The following ITGB3 variants were observed in gnomAD, a reference collection of about 807,000 sequenced individuals.
ITGB3 encodes integrin subunit beta 3.
ITGB3 carries 48 observed loss-of-function variants against 85.8 expected under a neutral mutation model. The ratio of observed to expected loss-of-function variants is 0.56; its 90% CI spans 0.44 to 0.71. The LOEUF (loss-of-function observed/expected upper bound fraction) is 0.71. ITGB3 is among the 30% of genes least tolerant of loss of function. ITGB3 has a pLI of 0.00. For synonymous variants in ITGB3, 363 were observed against 395.6 expected, an observed-to-expected ratio of 0.92 and a Z score of 0.98; for missense variants, 861 against 1,019.1, an observed-to-expected ratio of 0.84 and a Z score of 2.11.
intron 1 of ITGB3, among the ~76,000 whole-genome samples, chr17:47,260,893 A>T (rs965921528): frequency 7.9e-5 from 12 of 152,154 alleles, no homozygotes; most frequent in Admixed American, 6.5e-4. Context: ...GTCTTGAAAT[A>T]TGTGCGCATT....
chr17:47,291,454 C>G lies in ITGB3; in HGVS notation c.1260+366C>G, dbSNP rs540397850. On this transcript the variant is annotated intron_variant, in intron 9 of 14. Transcript: ENST00000559488. ...TAATTAATACCTTTCTTTTGTAAAA[C>G]GACACAAGAAAGTAAAATCTAAAAT... The G allele has an allele frequency of 7.7e-4, 354 of 460,398 alleles. 4 individuals carry two copies. In the South Asian group the frequency reaches 0.013, roughly 17 times the overall value. The allele number at this position is 460,398 out of a possible 1,614,324, so 28.5% of individuals were successfully genotyped here.
At chr17:47,305,929 C>T (rs11870781) in intron 13 of ITGB3, among the ~76,000 whole-genome samples, 13,101 of 152,276 alleles carry the variant, frequency 0.086, 610 homozygotes, top group East Asian at 0.19. Flanking sequence ...TTAATTTAAT[C>T]ATTCCTCATA....
At chr17:47,288,436 T>G (rs1427062872) in intron 6 of ITGB3, among the ~76,000 whole-genome samples, 1 of 152,096 alleles carries the variant, frequency 6.6e-6, no homozygotes, top group Non-Finnish European at 1.5e-5. Context: ...TCAGGAGAAA[T>G]TACTATAAGC....
chr17:47,261,728 C>T (rs1294047147), intron 1 of ITGB3, among the ~76,000 whole-genome samples: 2 of 152,170 alleles, frequency 1.3e-5, no homozygotes, highest in Non-Finnish European at 2.9e-5. Context: ...CCATGTTGGC[C>T]AGGCTGGTTT....
At position 47,310,124 on chromosome 17, in the gene ITGB3, C is replaced by T; in HGVS notation, c.2302-15C>T. ...AAGGAAGTCACTGTAAGATGCTATT[C>T]TGTTTCCTCCACAGGCCAACAACCC... On this transcript the variant is annotated splice_polypyrimidine_tract_variant and intron_variant, in intron 14 of 14. Transcript: ENST00000559488. 2 of 1,612,306 alleles carry T rather than the reference C, an allele frequency of 1.2e-6. No homozygotes were observed. The highest frequency in any genetic ancestry group is 1.7e-6 in the Non-Finnish European group (2 of 1,178,422).
At chr17:47,290,464 G>GGAAA (rs1249508484) in intron 8 of ITGB3, among the ~76,000 whole-genome samples, 190 bp downstream of exon 8, 1 of 151,848 alleles carries the variant, frequency 6.6e-6, no homozygotes, top group East Asian at 1.9e-4. Context: ...AAGGAAGGAA[G>GGAAA]GAAGGAAGAG....
intron 1 of ITGB3, among the ~76,000 whole-genome samples, chr17:47,261,644 C>G (rs901391529): frequency 6.6e-6 from 1 of 151,930 alleles, no homozygotes; most frequent in Admixed American, 6.6e-5. Flanking sequence ...CTCAGATTCC[C>G]GAGTAGCTGG....
rs547696129 is a variant in ITGB3 at position 47,313,501 on chromosome 17, C to T, written c.*3297C>T. On this transcript the variant is annotated 3_prime_UTR_variant, in exon 15 of 15. Coordinates refer to ENST00000559488, the MANE Select transcript of ITGB3 (RefSeq NM_000212.3). The stretch of plus-strand genomic sequence containing the variant: ...AGCTGGGATTACAGGCACCTGCCAC[C>T]ACGCCCGGCTAATTTCTTTTTGTAT... Among the ~76,000 whole-genome samples the T allele has an allele frequency of 6.6e-6, 1 of 151,992 alleles. No homozygotes were observed. The highest frequency in any genetic ancestry group is 6.6e-5 in the Admixed American group (1 of 15,254).
chr17:47,263,869 A>G (rs2065017000), intron 1 of ITGB3, among the ~76,000 whole-genome samples: 2 of 152,210 alleles, frequency 1.3e-5, no homozygotes, highest in African/African-American at 2.4e-5. Flanking sequence ...CTTTGTGTAC[A>G]GGGAATCCCC....
At chr17:47,279,627 A>G (rs1428379805) in intron 2 of ITGB3, 1 of 152,226 alleles carries the variant, frequency 6.6e-6, no homozygotes, top group Non-Finnish European at 1.5e-5. Context: ...TAGGACTGCC[A>G]CATTAGAAAA....
intron 10 of ITGB3, among the ~76,000 whole-genome samples, chr17:47,295,325 C>T (rs982759863): frequency 6.6e-6 from 1 of 152,118 alleles, no homozygotes; most frequent in Non-Finnish European, 1.5e-5. Flanking sequence ...AGCATCAGCC[C>T]AGAAGGTCTA....
At chr17:47,257,836 C>T (rs993241825) in intron 1 of ITGB3, among the ~76,000 whole-genome samples, 7 of 152,140 alleles carry the variant, frequency 4.6e-5, no homozygotes, top group African/African-American at 1.4e-4. Flanking sequence ...CCCCCTTGGA[C>T]GTGTGGGTGT....
chr17:47,261,919 CTT>C (rs1455912412), intron 1 of ITGB3, among the ~76,000 whole-genome samples: 1 of 152,234 alleles, frequency 6.6e-6, no homozygotes, highest in East Asian at 1.9e-4. Context: ...AAGGCATACT[CTT>C]TGTTATATGG....
intron 10 of ITGB3, among the ~76,000 whole-genome samples, chr17:47,292,810 G>C (rs1014000020): frequency 5.9e-5 from 9 of 152,184 alleles, no homozygotes; most frequent in African/African-American, 2.2e-4. Flanking sequence ...AGAATATGTA[G>C]TAAGGTTAGT....
In ITGB3 at chr17:47,292,302, A is replaced by G; in HGVS notation, c.1424A>G (p.Asn475Ser). Residue 475 changes from asparagine (N) to serine (S), a missense_variant, in exon 10 of 15, where the codon AAC becomes AGC. Asn to Ser is a conservative substitution (Grantham distance 46). Coordinates refer to ENST00000559488, the MANE Select transcript of ITGB3 (RefSeq NM_000212.3). Reference sequence around the variant, plus strand: ...GCTGAACCTAATAGCCATCGCTGCAACAATGGCAATGGGACCTTTGAGTGT... The same window carrying G: ...GCTGAACCTAATAGCCATCGCTGCAGCAATGGCAATGGGACCTTTGAGTGT... ...AQAEPNSHRC[N>S]NGNGTFECGV... 1.2e-6 allele frequency: 2 copies of G among 1,614,248 alleles called. No individual in the cohort carries two copies. Among genetic ancestry groups the G allele is most frequent in the Non-Finnish European group, 1.7e-6 (2 of 1,180,040 alleles).
chr17:47,295,461 G>A (rs762969456), intron 10 of ITGB3, among the ~76,000 whole-genome samples: 6 of 151,932 alleles, frequency 3.9e-5, no homozygotes, highest in South Asian at 2.1e-4. Context: ...CGATGAACCC[G>A]GACTCAGCCT....
chr17:47,293,069 A>C (rs2065133403), intron 10 of ITGB3, among the ~76,000 whole-genome samples: 1 of 152,228 alleles, frequency 6.6e-6, no homozygotes, highest in African/African-American at 2.4e-5. Flanking sequence ...AAAATTGAAA[A>C]ATTAAAAATT....
At chr17:47,254,474 T>C (rs1667219848) in intron 1 of ITGB3, among the ~76,000 whole-genome samples, 1 of 152,156 alleles carries the variant, frequency 6.6e-6, no homozygotes, top group African/African-American at 2.4e-5. Context: ...TTTCCTTTTT[T>C]CTTTCTTTCT....
intron 2 of ITGB3, among the ~76,000 whole-genome samples, chr17:47,278,822 C>T (rs914025123): frequency 1.3e-5 from 2 of 152,106 alleles, no homozygotes; most frequent in African/African-American, 4.8e-5. Context: ...CCAGGTTGTT[C>T]ACTCCTTATG....
Sources: gnomAD v4.1 joint callset for allele counts (sites outside exome capture counted in the v4.1 genomes callset) on GRCh38, gnomAD v4.1.1 for gene constraint, MANE v1.5 for transcripts, NCBI Gene and HGNC (gene_info 2026-07-23, HGNC 2026-07-21) for gene names.